KLHL3: variants seen among roughly 807,000 people sequenced by gnomAD.
KLHL3 encodes kelch-like protein 3.
A neutral mutation model predicts 70.5 loss-of-function variants in KLHL3; 19 were observed. The ratio of observed to expected loss-of-function variants is 0.27; its 90% confidence interval spans 0.19 to 0.40. KLHL3 has a LOEUF of 0.40. Ranked by LOEUF, KLHL3 falls within the 10% of genes least tolerant of loss-of-function variation. KLHL3 has a pLI of 1.00. For missense variants in KLHL3, 512 were observed against 771.1 expected (o/e 0.66, Z 3.98); for synonymous variants, 258 against 290.3 (o/e 0.89, Z 1.13).
chr5:137,686,605 T>A (rs973048250), intron 5 of KLHL3, among the ~76,000 whole-genome samples: 2 of 152,172 alleles, frequency 1.3e-5, no homozygotes, highest in Admixed American at 6.5e-5. Context: ...CCCTTGTGTG[T>A]GACCCTAGTG....
chr5:137,719,893 G>T (rs1488223506), intron 2 of KLHL3, among the ~76,000 whole-genome samples: 2 of 152,138 alleles, frequency 1.3e-5, no homozygotes, highest in African/African-American at 4.8e-5. Context: ...GAATAGACTT[G>T]CTGTAACCAT....
chr5:137,720,341 C>T, intron 2 of KLHL3, 124 bp downstream of exon 2: 1 of 1,158,274 alleles, frequency 8.6e-7, no homozygotes, highest in Admixed American at 2.2e-5. Context: ...ACTCAAGTGA[C>T]TAAGAATGGA....
At chr5:137,691,908 G>A (rs1752332434) in intron 5 of KLHL3, among the ~76,000 whole-genome samples, 1 of 152,076 alleles carries the variant, frequency 6.6e-6, no homozygotes, top group South Asian at 2.1e-4. Flanking sequence ...GTGAGCCACT[G>A]CGCCCAGCCA....
rs770364793 is a variant in KLHL3 at position 137,709,819 on chromosome 5, C to T, written c.172G>A (p.Asp58Asn). ...ACACGGTGGGCTTCTATCTCGACATCTTCTGCCACAATCATCACGTCACAC... is the reference window on the plus strand; with the variant it reads ...ACACGGTGGGCTTCTATCTCGACATTTTCTGCCACAATCATCACGTCACAC... ...LLCDVMIVAEDVEIEAHRVVL... is the reference protein window; with the variant it reads ...LLCDVMIVAENVEIEAHRVVL... Residue 58 changes from aspartate (D) to asparagine (N), a missense_variant, in exon 3 of 15, where the codon GAT becomes AAT. Transcript: ENST00000309755. The T allele has an allele frequency of 1.2e-5, 19 of 1,614,046 alleles. No homozygotes were observed. The highest frequency in any genetic ancestry group is 1.6e-5 in the Non-Finnish European group (19 of 1,180,030).
chr5:137,637,673 C>T (rs1221610110), intron 10 of KLHL3, among the ~76,000 whole-genome samples: 2 of 152,152 alleles, frequency 1.3e-5, no homozygotes, highest in Admixed American at 6.5e-5. Context: ...ATAAAAACCG[C>T]AGAGTGGGAT....
intron 1 of KLHL3, among the ~76,000 whole-genome samples, chr5:137,728,981 A>T (rs1009388490): frequency 2.2e-5 from 3 of 138,572 alleles, no homozygotes. Flanking sequence ...AATAAAAGTT[A>T]AAAAAAAAAA....
chr5:137,642,798 C>T (rs1353493000), intron 8 of KLHL3, among the ~76,000 whole-genome samples: 1 of 151,906 alleles, frequency 6.6e-6, no homozygotes, highest in Non-Finnish European at 1.5e-5. Flanking sequence ...CTTTTCCCAT[C>T]TTTTGACTCA....
chr5:137,633,227 C>T (rs776745907), intron 12 of KLHL3, among the ~76,000 whole-genome samples: 3 of 143,406 alleles, frequency 2.1e-5, no homozygotes, highest in Non-Finnish European at 1.5e-5. Context: ...TGCAGTGAGC[C>T]GAGATAGCGC....
intron 6 of KLHL3, among the ~76,000 whole-genome samples, chr5:137,662,890 C>T (rs1751516871): frequency 6.6e-6 from 1 of 152,060 alleles, no homozygotes. Context: ...AGCTTATACT[C>T]ACATCAGTGT....
At chr5:137,648,795 C>G (rs567027749) in intron 8 of KLHL3, among the ~76,000 whole-genome samples, 1 of 152,296 alleles carries the variant, frequency 6.6e-6, no homozygotes, top group African/African-American at 2.4e-5. Flanking sequence ...AGGTCTCTCT[C>G]CACCATGTTG....
Position 137,620,188 on chromosome 5 carries a change from A to G in KLHL3, c.*1910T>C, listed in dbSNP as rs1756354960. ...GGAGACATTTCTTCCAGGTCCCCCA[A>G]AGCTGGATATTTTAGCCTCTTCTGA... On this transcript the variant is annotated 3_prime_UTR_variant, in exon 15 of 15. Coordinates refer to ENST00000309755, the MANE Select transcript of KLHL3 (RefSeq NM_017415.3). The G allele has an allele frequency of 6.6e-6, 1 of 152,250 alleles. No homozygotes were observed. The highest frequency in any genetic ancestry group is 1.5e-5 in the Non-Finnish European group (1 of 68,058). 9.4% of individuals were successfully genotyped at this position (152,250 alleles called of 1,614,324 possible).
chr5:137,633,570 T>C (rs190912981), intron 12 of KLHL3, among the ~76,000 whole-genome samples: 2 of 152,306 alleles, frequency 1.3e-5, no homozygotes, highest in East Asian at 3.9e-4. Context: ...TCAATCTAAG[T>C]ATCCATCAAT....
In KLHL3 at chr5:137,625,852, C is replaced by T; in HGVS notation, c.1636G>A (p.Asp546Asn). The T allele has an allele frequency of 6.2e-7, 1 of 1,614,188 alleles. No homozygotes were observed. Among genetic ancestry groups the T allele is most frequent in the Non-Finnish European group, 8.5e-7 (1 of 1,180,036 alleles). ...ACCGAAGCCAAGTTGCAGGATCCAT[C>T]ATCCCCTCCAACCACATACAGGAGC... ...NGLLYVVGGD[D>N]GSCNLASVEY... The change falls in exon 14 of 15, where the codon GAT (aspartate) becomes AAT (asparagine). Residue 546 changes from aspartate (D) to asparagine (N), a missense_variant. Physicochemically the swap from Asp to Asn is conservative, Grantham distance 23. Coordinates refer to ENST00000309755, the MANE Select transcript of KLHL3 (RefSeq NM_017415.3).
At chr5:137,720,989 A>ACCACCG in intron 1 of KLHL3, 1 of 512,862 alleles carries the variant, frequency 1.9e-6, no homozygotes, top group Non-Finnish European at 2.5e-6. Context: ...ACAATAGGCA[A>ACCACCG]AGCCACCATC....
At chr5:137,678,789 A>C (rs527502372) in intron 5 of KLHL3, among the ~76,000 whole-genome samples, 1 of 151,722 alleles carries the variant, frequency 6.6e-6, no homozygotes, top group African/African-American at 2.4e-5. Flanking sequence ...TCAAATATTG[A>C]GTTATAAACA....
chr5:137,639,777 A>C lies in KLHL3; in HGVS notation c.1021+83T>G. The C allele has an allele frequency of 1.0e-6, 1 of 977,068 alleles. No individual in the cohort carries two copies. Among genetic ancestry groups the C allele is most frequent in the Non-Finnish European group, 1.6e-6 (1 of 611,316 alleles). 60.5% of individuals were successfully genotyped at this position (977,068 alleles called of 1,614,324 possible). A position where few individuals can be genotyped will look rare whatever the true frequency, so the allele number is the denominator to read the frequency against. On this transcript the variant is annotated intron_variant, in intron 9 of 14. Coordinates refer to ENST00000309755, the MANE Select transcript of KLHL3 (RefSeq NM_017415.3). The surrounding 1 kb of genome is among the most constrained non-coding windows in gnomAD (Gnocchi z 5.0). ...GCCTGAAATGCACAGATGCTTGAGG[A>C]AACAAGGAGTAGCTCACGACTTCTG...
intron 2 of KLHL3, among the ~76,000 whole-genome samples, chr5:137,712,831 C>T (rs894898512): frequency 6.6e-6 from 1 of 152,080 alleles, no homozygotes; most frequent in African/African-American, 2.4e-5. Flanking sequence ...ACAACGTCCC[C>T]AGAGTGTCAC....
chr5:137,671,348 TC>T (rs990637010), intron 6 of KLHL3, among the ~76,000 whole-genome samples: 4 of 152,172 alleles, frequency 2.6e-5, no homozygotes, highest in Non-Finnish European at 5.9e-5. Flanking sequence ...AATAAAATAT[TC>T]CAGGTACTTT....
chr5:137,647,778 C>G (rs889638291), intron 8 of KLHL3: 1 of 359,380 alleles, frequency 2.8e-6, no homozygotes, highest in Non-Finnish European at 5.7e-6. Flanking sequence ...GTCTGAGAAC[C>G]AGGTAATATG....
Sources: allele counts gnomAD v4.1 joint callset (sites outside exome capture counted in the v4.1 genomes callset), GRCh38; gene constraint gnomAD v4.1.1; non-coding constraint Gnocchi (gnomAD v3.1); transcripts MANE v1.5; gene names NCBI Gene and HGNC (gene_info 2026-07-23, HGNC 2026-07-21).